Variants in ERBB4 observed in about 807,000 individuals in gnomAD.
ERBB4 encodes receptor tyrosine-protein kinase erbB-4.
ERBB4 carries 42 observed loss-of-function variants against 158.0 expected under a neutral mutation model. The observed-to-expected ratio is 0.27, with a 90% CI of 0.21 to 0.34. The LOEUF is 0.34. Among genes scored for constraint, ERBB4 ranks in the 10% least tolerant of loss-of-function variants. The probability of loss-of-function intolerance (pLI) is 1.00; values close to 1 mark genes in which losing one functional copy is unlikely to be tolerated. For missense variants in ERBB4, 1,333 were observed against 1,624.1 expected, an observed-to-expected ratio of 0.82 and a Z score of 3.08; for synonymous variants, 583 against 558.7, an observed-to-expected ratio of 1.04 and a Z score of -0.61.
rs878978693 is a variant in ERBB4 at position 211,701,995 on chromosome 2, G to A, written c.1461C>T (p.Ile487=). The A allele has an allele frequency of 1.2e-6, 2 of 1,613,654 alleles. No individual in the cohort carries two copies. The highest frequency in any genetic ancestry group is 8.5e-7 in the Non-Finnish European group (1 of 1,179,726). ...LFSTINQRIV[I]RDNRKAENCT... Reference sequence around the variant, plus strand: ...AATTTTCAGCTTTTCTGTTGTCCCGGATTACTATTCTCTGGTTGATTGTGC... The same window carrying A: ...AATTTTCAGCTTTTCTGTTGTCCCGAATTACTATTCTCTGGTTGATTGTGC... Residue 487 remains isoleucine (I), a synonymous_variant, in exon 12 of 28, where the codon ATC becomes ATT. Transcript: ENST00000342788.
chr2:212,163,720 T>C (rs954327837), intron 1 of ERBB4, among the ~76,000 whole-genome samples: 2 of 152,072 alleles, frequency 1.3e-5, no homozygotes, highest in African/African-American at 2.4e-5. Flanking sequence ...TGCTTTTATA[T>C]AGCTTGTGCC....
intron 1 of ERBB4, among the ~76,000 whole-genome samples, chr2:212,221,822 A>G (rs2083299460): frequency 6.6e-6 from 1 of 151,456 alleles, no homozygotes; most frequent in African/African-American, 2.4e-5. Flanking sequence ...CCTAGCACCA[A>G]CACTATAATT....
intron 1 of ERBB4, among the ~76,000 whole-genome samples, chr2:212,323,226 T>C (rs893419822): frequency 3.3e-5 from 5 of 150,672 alleles, no homozygotes; most frequent in Non-Finnish European, 4.5e-5. Flanking sequence ...ATGAGATTCA[T>C]GTACCACGTT....
At chr2:211,921,258 CTCTT>C (rs2079851037) in intron 3 of ERBB4, among the ~76,000 whole-genome samples, 1 of 152,012 alleles carries the variant, frequency 6.6e-6, no homozygotes, top group African/African-American at 2.4e-5. Context: ...CTTTTTCCCT[CTCTT>C]TCTTGTCATT....
chr2:211,902,543 G>GA (rs1202927503), intron 3 of ERBB4, among the ~76,000 whole-genome samples: 1 of 151,690 alleles, frequency 6.6e-6, no homozygotes, highest in African/African-American at 2.4e-5. Flanking sequence ...ATATGTAAGA[G>GA]AAAAAAGAGC....
chr2:211,959,282 T>A (rs2081114063), intron 2 of ERBB4, among the ~76,000 whole-genome samples: 1 of 152,122 alleles, frequency 6.6e-6, no homozygotes, highest in African/African-American at 2.4e-5. Flanking sequence ...ACTTCCTTTA[T>A]CATCTCCAAT....
At chr2:212,080,956 A>G (rs939349050) in intron 2 of ERBB4, among the ~76,000 whole-genome samples, 2 of 152,160 alleles carry the variant, frequency 1.3e-5, no homozygotes, top group Admixed American at 6.5e-5. Flanking sequence ...TTCTAAAAAT[A>G]TTATTTGGAA....
At chr2:212,285,421 T>C (rs1431280689) in intron 1 of ERBB4, among the ~76,000 whole-genome samples, 1 of 151,410 alleles carries the variant, frequency 6.6e-6, no homozygotes, top group South Asian at 2.1e-4. Flanking sequence ...TGTGAGTCCC[T>C]AAGGACAACA....
At chr2:211,429,958 G>T (rs1025114446) in intron 21 of ERBB4, among the ~76,000 whole-genome samples, 4 of 152,128 alleles carry the variant, frequency 2.6e-5, no homozygotes, top group Admixed American at 2.0e-4. Flanking sequence ...CAACTTCTGT[G>T]CAGTCTTAGA....
intron 1 of ERBB4, among the ~76,000 whole-genome samples, chr2:212,144,585 T>A (rs2080600380): frequency 6.6e-6 from 1 of 152,238 alleles, no homozygotes; most frequent in South Asian, 2.1e-4. Context: ...CTGAATCAGT[T>A]ACTCAATTTA....
At chr2:211,967,412 A>G (rs1446131968) in intron 2 of ERBB4, among the ~76,000 whole-genome samples, 1 of 152,120 alleles carries the variant, frequency 6.6e-6, no homozygotes, top group East Asian at 1.9e-4. Context: ...TTTTTAGGTG[A>G]CATATTTCAG....
intron 1 of ERBB4, among the ~76,000 whole-genome samples, chr2:212,248,392 T>G (rs2084391321): frequency 6.6e-6 from 1 of 152,186 alleles, no homozygotes; most frequent in African/African-American, 2.4e-5. Flanking sequence ...GTAAGTGTTC[T>G]TGTCTAGAAA....
chr2:211,656,942 G>A (rs1051640259), intron 16 of ERBB4, among the ~76,000 whole-genome samples: 1 of 152,032 alleles, frequency 6.6e-6, no homozygotes, highest in Non-Finnish European at 1.5e-5. Flanking sequence ...TTTTTGTGTG[G>A]GAATGAGTCT....
chr2:212,364,487 A>C (rs1275897486), intron 1 of ERBB4, among the ~76,000 whole-genome samples: 1 of 151,800 alleles, frequency 6.6e-6, no homozygotes, highest in Non-Finnish European at 1.5e-5. Flanking sequence ...GAATAAAAAG[A>C]CTGACAACAA....
chr2:212,105,195 G>T (rs1322211571), intron 2 of ERBB4, among the ~76,000 whole-genome samples: 1 of 152,124 alleles, frequency 6.6e-6, no homozygotes. Flanking sequence ...TGAGTCACCA[G>T]CTCCTAGAAT....
At chr2:211,582,988 C>T (rs1369375954) in intron 19 of ERBB4, among the ~76,000 whole-genome samples, 1 of 151,988 alleles carries the variant, frequency 6.6e-6, no homozygotes, top group East Asian at 1.9e-4. Flanking sequence ...TGCTTTTTAA[C>T]ATTAGGGCAT....
chr2:211,972,525 A>C (rs1052374085), intron 2 of ERBB4, among the ~76,000 whole-genome samples: 2 of 152,202 alleles, frequency 1.3e-5, no homozygotes, highest in Non-Finnish European at 2.9e-5. Context: ...ACAGTAACCA[A>C]CACAGCAAGG....
chr2:211,834,826 A>T (rs1045649158), intron 3 of ERBB4, among the ~76,000 whole-genome samples: 3 of 152,124 alleles, frequency 2.0e-5, no homozygotes, highest in Admixed American at 2.0e-4. Context: ...TACCTTCTTG[A>T]TGTACCACTT....
chr2:211,911,744 C>T (rs577216345), intron 3 of ERBB4, among the ~76,000 whole-genome samples: 9 of 151,364 alleles, frequency 5.9e-5, no homozygotes, highest in Non-Finnish European at 1.2e-4. Context: ...GTTACAGAGA[C>T]TGGGGGTTGG....
Sources: allele counts gnomAD v4.1 joint callset (sites outside exome capture counted in the v4.1 genomes callset), GRCh38; gene constraint gnomAD v4.1.1; transcripts MANE v1.5; gene names NCBI Gene and HGNC (gene_info 2026-07-23, HGNC 2026-07-21).